PXDNL: variants seen among roughly 807,000 people sequenced by gnomAD.
PXDNL encodes peroxidasin like, also known as probable oxidoreductase PXDNL.
In PXDNL, 145 loss-of-function variants were observed where a neutral mutation model predicts 150.8. The ratio of observed to expected loss-of-function variants is 0.96; its 90% CI spans 0.84 to 1.10. The LOEUF is 1.10. Ranked by LOEUF, PXDNL falls within the 50% of genes least tolerant of loss-of-function variation. The pLI, the probability that PXDNL is intolerant of heterozygous loss-of-function variation, is 0.00. For synonymous variants in PXDNL, 757 were observed against 725.7 expected, an observed-to-expected ratio of 1.04 and a Z score of -0.69; for missense variants, 2,087 against 1,873.9, an observed-to-expected ratio of 1.11 and a Z score of -2.10.
At chr8:51,541,733 G>A (rs1812220989) in intron 4 of PXDNL, among the ~76,000 whole-genome samples, 3 of 152,046 alleles carry the variant, frequency 2.0e-5, no homozygotes, top group Admixed American at 6.6e-5. Flanking sequence ...GTCTCTGGTT[G>A]GGAACCCTTC....
intron 2 of PXDNL, among the ~76,000 whole-genome samples, chr8:51,627,358 A>T (rs989197005): frequency 6.6e-5 from 10 of 152,204 alleles, no homozygotes; most frequent in Admixed American, 3.3e-4. Context: ...AATTATTTGT[A>T]TATGATCATC....
At chr8:51,787,612 G>A (rs1337886935) in intron 1 of PXDNL, among the ~76,000 whole-genome samples, 1 of 152,192 alleles carries the variant, frequency 6.6e-6, no homozygotes, top group Non-Finnish European at 1.5e-5. Context: ...TTGAACAAAT[G>A]AGTTCTTGCT....
chr8:51,527,010 G>T (rs2130410743), intron 4 of PXDNL, among the ~76,000 whole-genome samples: 1 of 152,196 alleles, frequency 6.6e-6, no homozygotes, highest in Middle Eastern at 3.4e-3. Context: ...TGCTTCTGTG[G>T]CTTCTACCTT....
intron 20 of PXDNL, among the ~76,000 whole-genome samples, chr8:51,344,647 T>C (rs750981512): frequency 2.6e-4 from 39 of 152,230 alleles, no homozygotes; most frequent in Non-Finnish European, 5.7e-4. Context: ...TTAATATTTG[T>C]TTGATGCTTA....
At chr8:51,558,230 G>T (rs1267093799) in intron 3 of PXDNL, among the ~76,000 whole-genome samples, 1 of 151,956 alleles carries the variant, frequency 6.6e-6, no homozygotes, top group Non-Finnish European at 1.5e-5. Context: ...GTAATGTCTG[G>T]GTCCCTGCCT....
At chr8:51,473,632 T>A (rs1040416872) in intron 7 of PXDNL, among the ~76,000 whole-genome samples, 1 of 151,398 alleles carries the variant, frequency 6.6e-6, no homozygotes, top group Non-Finnish European at 1.5e-5. Context: ...TTAGGAGATA[T>A]ACCTAATGTT....
chr8:51,657,989 G>T (rs1815187490), intron 1 of PXDNL, among the ~76,000 whole-genome samples: 1 of 152,020 alleles, frequency 6.6e-6, no homozygotes, highest in South Asian at 2.1e-4. Context: ...CACTGACTTT[G>T]GCCACACCCT....
intron 1 of PXDNL, among the ~76,000 whole-genome samples, chr8:51,776,491 C>G (rs779033725): frequency 6.6e-6 from 1 of 152,112 alleles, no homozygotes; most frequent in Non-Finnish European, 1.5e-5. Context: ...TAGAAAAGAA[C>G]CTACGTGAAA....
intron 1 of PXDNL, among the ~76,000 whole-genome samples, chr8:51,712,630 C>T (rs1480077444): frequency 2.0e-5 from 3 of 152,096 alleles, no homozygotes; most frequent in Non-Finnish European, 4.4e-5. Flanking sequence ...AAACAGACAA[C>T]CTTAGTTATT....
chr8:51,801,699 T>C (rs1341006743), intron 1 of PXDNL, among the ~76,000 whole-genome samples: 3 of 152,196 alleles, frequency 2.0e-5, no homozygotes, highest in Non-Finnish European at 4.4e-5. Flanking sequence ...CCCATTTGGG[T>C]TCCTGCCTCT....
intron 1 of PXDNL, among the ~76,000 whole-genome samples, chr8:51,732,950 A>G (rs1237743131): frequency 6.6e-6 from 1 of 152,176 alleles, no homozygotes; most frequent in East Asian, 1.9e-4. Flanking sequence ...ACCATATCAC[A>G]TGGGATCCCA....
chr8:51,750,262 G>A (rs972443797), intron 1 of PXDNL, among the ~76,000 whole-genome samples: 7 of 151,978 alleles, frequency 4.6e-5, no homozygotes, highest in African/African-American at 1.5e-4. Flanking sequence ...CCTGCACAAG[G>A]TCAGGATCAT....
At chr8:51,765,906 C>T (rs797004040) in intron 1 of PXDNL, among the ~76,000 whole-genome samples, 71 of 151,220 alleles carry the variant, frequency 4.7e-4, no homozygotes, top group African/African-American at 1.3e-3. Context: ...TGCAGTGGTG[C>T]GATTTCAGCT....
At chr8:51,543,949 G>A (rs955130761) in intron 4 of PXDNL, among the ~76,000 whole-genome samples, 8 of 152,062 alleles carry the variant, frequency 5.3e-5, no homozygotes, top group African/African-American at 1.9e-4. Flanking sequence ...TTGTAGATGA[G>A]GAATAACTGA....
intron 2 of PXDNL, among the ~76,000 whole-genome samples, chr8:51,628,556 C>A (rs1205702799): frequency 6.6e-6 from 1 of 151,420 alleles, no homozygotes; most frequent in African/African-American, 2.4e-5. Flanking sequence ...TAGATGCATG[C>A]CACCACACCC....
At chr8:51,652,679 T>C (rs1353214371) in intron 2 of PXDNL, among the ~76,000 whole-genome samples, 1 of 152,036 alleles carries the variant, frequency 6.6e-6, no homozygotes, top group Non-Finnish European at 1.5e-5. Flanking sequence ...CTCAATTTCC[T>C]CATCTGTAAA....
At chr8:51,364,493 AT>A (rs376826354) in intron 19 of PXDNL, among the ~76,000 whole-genome samples, 3 of 151,954 alleles carry the variant, frequency 2.0e-5, no homozygotes, top group East Asian at 3.9e-4. Flanking sequence ...TTATCTTTCT[AT>A]TTTTTTTCCT....
At chr8:51,412,288 G>A (rs921756615) in intron 15 of PXDNL, among the ~76,000 whole-genome samples, 2 of 152,186 alleles carry the variant, frequency 1.3e-5, no homozygotes, top group African/African-American at 4.8e-5. Flanking sequence ...TCCAGGCACT[G>A]TTGAAGCACT....
At chr8:51,386,216 C>T (rs570710735) in intron 17 of PXDNL, among the ~76,000 whole-genome samples, 24 of 152,178 alleles carry the variant, frequency 1.6e-4, no homozygotes, top group African/African-American at 5.1e-4. Flanking sequence ...CCTCAGCCTC[C>T]GGAGTAGCTG....
Sources: gnomAD v4.1 joint callset for allele counts (sites outside exome capture counted in the v4.1 genomes callset) on GRCh38, gnomAD v4.1.1 for gene constraint, MANE v1.5 for transcripts, NCBI Gene and HGNC (gene_info 2026-07-23, HGNC 2026-07-21) for gene names.